HMGCLL1: variants seen among roughly 807,000 people sequenced by gnomAD.
HMGCLL1 encodes the protein 3-hydroxymethyl-3-methylglutaryl-CoA lyase, cytoplasmic.
A neutral mutation model predicts 39.1 loss-of-function variants in HMGCLL1; 36 were observed. The ratio of observed to expected loss-of-function variants is 0.92; its 90% confidence interval spans 0.71 to 1.22. HMGCLL1 has a LOEUF of 1.22. Ranked by LOEUF, HMGCLL1 falls within the 50% of genes most tolerant of loss-of-function variation. The pLI, the probability that HMGCLL1 is intolerant of heterozygous loss-of-function variation, is 0.00. For synonymous variants in HMGCLL1, 149 were observed against 144.0 expected (o/e 1.03, Z -0.25); for missense variants, 451 against 416.5 (o/e 1.08, Z -0.72).
At chr6:55,469,418 A>C (rs10807493) in intron 7 of HMGCLL1, among the ~76,000 whole-genome samples, 1 of 110,774 alleles carries the variant, frequency 9.0e-6, no homozygotes, top group African/African-American at 2.7e-5. Context: ...TATACTTATA[A>C]GTATACATAT....
the HMGCLL1 span, among the ~76,000 whole-genome samples, chr6:55,661,716 A>C: frequency 6.6e-6 from 1 of 151,844 alleles, no homozygotes; most frequent in African/African-American, 2.4e-5. Flanking sequence ...TTTCATATAA[A>C]TTTTTAAAAA....
the HMGCLL1 span, among the ~76,000 whole-genome samples, chr6:55,673,807 T>C: frequency 1.3e-5 from 2 of 152,156 alleles, no homozygotes; most frequent in South Asian, 4.1e-4. Flanking sequence ...TATATTATCA[T>C]ATTTAATATG....
chr6:55,462,369 G>A (rs1260941941), intron 7 of HMGCLL1, among the ~76,000 whole-genome samples: 7 of 151,996 alleles, frequency 4.6e-5, no homozygotes, highest in Non-Finnish European at 1.0e-4. Context: ...TTCAGTCCGT[G>A]GGTTTGTTCC....
At chr6:55,566,523 C>A (rs1405991401) in intron 1 of HMGCLL1, 4 of 443,094 alleles carry the variant, frequency 9.0e-6, no homozygotes, top group Admixed American at 7.4e-5. Flanking sequence ...AAAAAAGAGC[C>A]CGAACACTGA....
intron 7 of HMGCLL1, among the ~76,000 whole-genome samples, chr6:55,473,383 C>T (rs1765130433): frequency 6.6e-6 from 1 of 151,246 alleles, no homozygotes; most frequent in Non-Finnish European, 1.5e-5. Context: ...ACTTTATCTC[C>T]TAGCATATCA....
the HMGCLL1 span, among the ~76,000 whole-genome samples, chr6:55,616,530 T>C: frequency 6.6e-6 from 1 of 152,128 alleles, no homozygotes; most frequent in African/African-American, 2.4e-5. Flanking sequence ...GGATACTGTT[T>C]TAAGCTAGTC....
chr6:55,596,446 C>T, the HMGCLL1 span, among the ~76,000 whole-genome samples: 100,967 of 152,128 alleles, frequency 0.66, 34,320 homozygotes, highest in East Asian at 0.9. Context: ...AAAACAAAGC[C>T]TGCAGACAGA....
the HMGCLL1 span, among the ~76,000 whole-genome samples, chr6:55,660,055 A>T: frequency 6.6e-6 from 1 of 151,716 alleles, no homozygotes; most frequent in Non-Finnish European, 1.5e-5. Context: ...TCCTGGCTAG[A>T]TTGTCTTCAA....
At chr6:55,524,625 A>G (rs1039560044) in intron 3 of HMGCLL1, among the ~76,000 whole-genome samples, 2 of 151,948 alleles carry the variant, frequency 1.3e-5, no homozygotes, top group Non-Finnish European at 2.9e-5. Context: ...GAGCACAAAC[A>G]GTTGCTTCAC....
At chr6:55,650,854 CACGAATTTTT>C in the HMGCLL1 span, among the ~76,000 whole-genome samples, 3 of 151,936 alleles carry the variant, frequency 2.0e-5, no homozygotes, top group Non-Finnish European at 2.9e-5. Context: ...GCCAGGCCAC[CACGAATTTTT>C]ACTTAAAGCC....
At chr6:55,667,374 T>C in the HMGCLL1 span, among the ~76,000 whole-genome samples, 2 of 151,780 alleles carry the variant, frequency 1.3e-5, no homozygotes, top group South Asian at 2.1e-4. Context: ...TGTACCAGGG[T>C]TTACATTTAC....
the HMGCLL1 span, among the ~76,000 whole-genome samples, chr6:55,604,534 A>G: frequency 6.6e-5 from 10 of 152,184 alleles, no homozygotes; most frequent in African/African-American, 9.6e-5. Context: ...AGACAAAAGA[A>G]ATTTTTGAAA....
the HMGCLL1 span, among the ~76,000 whole-genome samples, chr6:55,674,346 A>G: frequency 6.6e-6 from 1 of 151,694 alleles, no homozygotes; most frequent in East Asian, 1.9e-4. Flanking sequence ...TATATGTGAT[A>G]TGATCATGCC....
At chr6:55,586,833 A>C in the HMGCLL1 span, among the ~76,000 whole-genome samples, 1 of 151,966 alleles carries the variant, frequency 6.6e-6, no homozygotes, top group South Asian at 2.1e-4. Context: ...CTTTGCTATT[A>C]TGAATAGTGC....
At chr6:55,547,521 A>G (rs9367640) in intron 1 of HMGCLL1, among the ~76,000 whole-genome samples, 100,377 of 151,650 alleles carry the variant, frequency 0.66, 33,618 homozygotes, top group Non-Finnish European at 0.72. Context: ...TGTTTCATGC[A>G]CTTCATTTCT....
chr6:55,627,194 C>T, the HMGCLL1 span, among the ~76,000 whole-genome samples: 1 of 151,946 alleles, frequency 6.6e-6, no homozygotes, highest in Non-Finnish European at 1.5e-5. Flanking sequence ...TTGTAACTGT[C>T]ATGAGTATTT....
At chr6:55,454,646 C>A (rs915413547) in intron 7 of HMGCLL1, among the ~76,000 whole-genome samples, 2 of 152,018 alleles carry the variant, frequency 1.3e-5, no homozygotes, top group Admixed American at 6.5e-5. Context: ...CTGAATGGGC[C>A]GAATAGTCAT....
chr6:55,536,022 G>A (rs1353910428), intron 3 of HMGCLL1, among the ~76,000 whole-genome samples: 4 of 152,108 alleles, frequency 2.6e-5, no homozygotes, highest in African/African-American at 4.8e-5. Context: ...TCTCATCAAC[G>A]TAAATCTGAA....
the HMGCLL1 span, among the ~76,000 whole-genome samples, chr6:55,671,064 G>C: frequency 2.0e-5 from 3 of 151,718 alleles, no homozygotes; most frequent in Non-Finnish European, 4.4e-5. Context: ...TGATAAAAGG[G>C]TCCATTTTAA....
Sources: allele counts gnomAD v4.1 joint callset (sites outside exome capture counted in the v4.1 genomes callset), GRCh38; gene constraint gnomAD v4.1.1; transcripts MANE v1.5; gene names NCBI Gene and HGNC (gene_info 2026-07-23, HGNC 2026-07-21).